The following OR8B8 variants were observed in gnomAD, a reference collection of about 807,000 sequenced individuals.
OR8B8 encodes the protein olfactory receptor 8B8.
A neutral mutation model predicts 10.5 loss-of-function variants in OR8B8; 8 were observed. The observed-to-expected ratio is 0.76, with a 90% confidence interval of 0.45 to 1.38. The LOEUF is 1.38. Among genes scored for constraint, OR8B8 ranks in the 40% most tolerant of loss-of-function variants. OR8B8 has a pLI of 0.00. For missense variants in OR8B8, 390 were observed against 380.5 expected, an observed-to-expected ratio of 1.03 and a Z score of -0.21; for synonymous variants, 150 against 145.2, an observed-to-expected ratio of 1.03 and a Z score of -0.24.
rs1861429903 is a variant in OR8B8, at chr11:124,438,656, A to G, written c.*1494T>C. On this transcript the variant is annotated 3_prime_UTR_variant, in exon 3 of 3. Transcript: ENST00000642064. ...ATCAGATGATCCACATAAATACAGT[A>G]ATTGAAAATACAATAAAGAAACTAT... 1 of 152,248 alleles carries G rather than the reference A, an allele frequency of 6.6e-6. No homozygotes were observed. The highest frequency in any genetic ancestry group is 6.5e-5 in the Admixed American group (1 of 15,292). 9.4% of individuals were successfully genotyped at this position (152,248 alleles called of 1,614,324 possible).
Position 124,437,626 on chromosome 11 carries a change from TTG to T in OR8B8, c.*2522_*2523del, listed in dbSNP as rs66912990. 12,854 of 143,832 alleles carry T rather than the reference TTG, an allele frequency of 0.089. 576 individuals carry two copies. Among genetic ancestry groups the T allele is most frequent in the Non-Finnish European group, 0.11 (7,324 of 66,448 alleles). The allele number at this position is 143,832 out of a possible 1,614,324, so 8.9% of individuals were successfully genotyped here. The stretch of plus-strand genomic sequence containing the variant: ...AGGTGGGGGAGGTCTCTCTCAGACT[TTG>T]TGTGTGTGTGTGTGTGTGTGTGTGT... On this transcript the variant is annotated 3_prime_UTR_variant, in exon 3 of 3. Coordinates refer to ENST00000642064, the MANE Select transcript of OR8B8 (RefSeq NM_012378.2).
In OR8B8 at chr11:124,441,070, A is replaced by T. The variant is rs757700504; in HGVS notation, c.16T>A (p.Ser6Thr). Residue 6 changes from serine to threonine, a missense_variant, in exon 3 of 3, where the codon TCC becomes ACC. Ser to Thr is a moderately conservative substitution (Grantham distance 58). Transcript: ENST00000642064. MAAEN[S>T]SFVTQFILAG... ...AGGATAAACTGTGTCACGAAGGAGGAATTCTCAGCAGCCATTGTCATTTAA... is the reference window on the plus strand; with the variant it reads ...AGGATAAACTGTGTCACGAAGGAGGTATTCTCAGCAGCCATTGTCATTTAA... 6.2e-7 allele frequency: 1 copy of T among 1,610,732 alleles called. No individual in the cohort carries two copies. The highest frequency in any genetic ancestry group is 8.5e-7 in the Non-Finnish European group (1 of 1,179,590).
Position 124,440,645 on chromosome 11 carries a change from A to G in OR8B8, c.441T>C (p.Gly147=), listed in dbSNP as rs759853213. Residue 147 remains glycine (G), a synonymous_variant, in exon 3 of 3, where the codon GGT becomes GGC. Transcript: ENST00000642064. The part of the protein sequence containing the change: ...SPQVCFLLLL[G]VYGMGFAGAM... ...CCCCAGCAAACCCCATCCCATAGACACCCAACAAAAGGAGAAAACACACCT... is the reference window on the plus strand; with the variant it reads ...CCCCAGCAAACCCCATCCCATAGACGCCCAACAAAAGGAGAAAACACACCT... 6.2e-7 allele frequency: 1 copy of G among 1,614,086 alleles called. No homozygotes were observed. Among genetic ancestry groups the G allele is most frequent in the East Asian group, 2.2e-5 (1 of 44,864 alleles).
chr11:124,443,866 A>G (rs191512498), intron 1 of OR8B8, among the ~76,000 whole-genome samples: 150 of 152,318 alleles, frequency 9.8e-4, no homozygotes, highest in African/African-American at 3.4e-3. Context: ...CTGCCACCAC[A>G]AAGTGGTACA....
rs10555793 is a variant in OR8B8, at chr11:124,441,128, TAG to T, written c.-16-29_-16-28del. On this transcript the variant is annotated intron_variant, in intron 2 of 2. Transcript: ENST00000642064. ...TGTGGGGACAAGGGAAAAAGTTATTTAGAGAGAGAGAGAGACCACTGCTGCCC... is the reference window on the plus strand; with the variant it reads ...TGTGGGGACAAGGGAAAAAGTTATTTAGAGAGAGAGAGACCACTGCTGCCC... 8,527 of 1,435,380 alleles carry T rather than the reference TAG, an allele frequency of 5.9e-3. 286 individuals are homozygous for T. In the African/African-American group the frequency reaches 0.086, roughly 14 times the overall value. The allele number at this position is 1,435,380 out of a possible 1,614,324, so 88.9% of individuals were successfully genotyped here.
rs560606972 is a variant in OR8B8, at chr11:124,441,474, C to T, written c.-17+14G>A. 4 of 187,730 alleles carry T rather than the reference C, an allele frequency of 2.1e-5. No individual in the cohort carries two copies. The highest frequency in any genetic ancestry group is 2.5e-4 in the South Asian group (2 of 7,902). 11.6% of individuals were successfully genotyped at this position (187,730 alleles called of 1,614,324 possible). ...GAGCAGAAGGGTAGAGTGGACTTCC[C>T]AGAGCTTTAGTACCTGAGACTGGGG... On this transcript the variant is annotated intron_variant, in intron 2 of 2. Coordinates refer to ENST00000642064, the MANE Select transcript of OR8B8 (RefSeq NM_012378.2).
intron 1 of OR8B8, among the ~76,000 whole-genome samples, chr11:124,442,816 G>T (rs7118658): frequency 0.24 from 36,478 of 152,104 alleles, 5,509 homozygotes; most frequent in East Asian, 0.53. Flanking sequence ...CTTGAGCTCA[G>T]TGACAGCTAG....
At chr11:124,442,663 G>T (rs938983131) in intron 1 of OR8B8, among the ~76,000 whole-genome samples, 3 of 107,940 alleles carry the variant, frequency 2.8e-5, no homozygotes, top group South Asian at 3.0e-4. Flanking sequence ...TTTCCTCATC[G>T]TGAGCCTGAA....
At chr11:124,441,128 T>TAG (rs10555793) in intron 2 of OR8B8, 27 bp from the exon 3 acceptor site, 58 of 1,444,260 alleles carry the variant, frequency 4.0e-5, no homozygotes, top group African/African-American at 7.1e-5. Context: ...AAAAGTTATT[T>TAG]AGAGAGAGAG....
In OR8B8 at chr11:124,440,389, C is replaced by T. The variant is rs1861454081; in HGVS notation, c.697G>A (p.Gly233Ser). Residue 233 changes from glycine to serine, a missense_variant, in exon 3 of 3, where the codon GGC becomes AGC. Coordinates refer to ENST00000642064, the MANE Select transcript of OR8B8 (RefSeq NM_012378.2). Reference sequence around the variant, plus strand: ...CAGGTGCTGAAGGCTTTGGACCTGCCCTCCGTGGAATCAATGTGGAAGATG... The same window carrying T: ...CAGGTGCTGAAGGCTTTGGACCTGCTCTCCGTGGAATCAATGTGGAAGATG... ...SSIFHIDSTE[G>S]RSKAFSTCSS... 2 of 1,614,042 alleles carry T rather than the reference C, an allele frequency of 1.2e-6. No homozygotes were observed. The highest frequency in any genetic ancestry group is 1.1e-5 in the South Asian group (1 of 91,066).
At position 124,440,528 on chromosome 11, in the gene OR8B8, C is replaced by T. The variant is rs759850129; in HGVS notation, c.558G>A (p.Glu186=). ...TCACATAGGTGCTGGTGCAAGCACA[C>T]TCAAGAAGGGGAAGGATGTCACACA... The part of the protein sequence containing the change: ...HYMCDILPLL[E]CACTSTYVNE... Residue 186 remains glutamate (E), a synonymous_variant, in exon 3 of 3, where the codon GAG becomes GAA. Transcript: ENST00000642064. 6.2e-7 allele frequency: 1 copy of T among 1,614,226 alleles called. No homozygotes were observed. Among genetic ancestry groups the T allele is most frequent in the Non-Finnish European group, 8.5e-7 (1 of 1,180,046 alleles).
chr11:124,441,370 G>A (rs1458752809), intron 2 of OR8B8, 118 bp downstream of exon 2: 3 of 412,826 alleles, frequency 7.3e-6, no homozygotes, highest in Non-Finnish European at 1.3e-5. Flanking sequence ...ACTGGGGCCA[G>A]TCTCCAGGAA....
rs1033947199 is a variant in OR8B8 at position 124,439,953 on chromosome 11, G to A, written c.*197C>T. On this transcript the variant is annotated 3_prime_UTR_variant, in exon 3 of 3. Coordinates refer to ENST00000642064, the MANE Select transcript of OR8B8 (RefSeq NM_012378.2). ...GCTTGAGTCTATCCTCAGAAATAGC[G>A]GGGAACTGAGTGAAATGATCCTCAA... is the stretch of plus-strand genomic sequence containing the variant. 7.1e-6 allele frequency: 4 copies of A among 566,634 alleles called. No homozygotes were observed. Among genetic ancestry groups the A allele is most frequent in the East Asian group, 2.9e-5 (1 of 34,920 alleles). The allele number at this position is 566,634 out of a possible 1,614,324, so 35.1% of individuals were successfully genotyped here. A position where few individuals can be genotyped will look rare whatever the true frequency, so the allele number is the denominator to read the frequency against.
chr11:124,442,017 A>G (rs1861480088), intron 1 of OR8B8, among the ~76,000 whole-genome samples: 1 of 152,122 alleles, frequency 6.6e-6, no homozygotes, highest in Admixed American at 6.6e-5. Flanking sequence ...TTGTGCAAAA[A>G]CAATAATTTA....
Position 124,440,454 on chromosome 11 carries a change from G to T in OR8B8, c.632C>A (p.Thr211Lys), listed in dbSNP as rs766761696. The change falls in exon 3 of 3, where the codon ACA (threonine) becomes AAA (lysine). Residue 211 changes from threonine (T) to lysine (K), a missense_variant. Physicochemically the swap from Thr to Lys is moderately conservative, Grantham distance 78. Coordinates refer to ENST00000642064, the MANE Select transcript of OR8B8 (RefSeq NM_012378.2). ...AGCATAGGAAATGAAGATGGTGACT[G>T]TGGGCACACCAATATCAATGCCCAC... ...VVVGIDIGVPTVTIFISYALI... is the reference protein window; with the variant it reads ...VVVGIDIGVPKVTIFISYALI... 9.9e-6 allele frequency: 16 copies of T among 1,614,210 alleles called. No homozygotes were observed. In the South Asian group the frequency reaches 1.6e-4, roughly 17 times the overall value.
Position 124,440,089 on chromosome 11 carries a change from C to T in OR8B8, c.*61G>A, listed in dbSNP as rs1861448041. ...AAAAATTATATTTCTTCCATGTAAC[C>T]AGTGGAGTCCAAATCACTTATGGGA... On this transcript the variant is annotated 3_prime_UTR_variant, in exon 3 of 3. Coordinates refer to ENST00000642064, the MANE Select transcript of OR8B8 (RefSeq NM_012378.2). 1.5e-6 allele frequency: 2 copies of T among 1,300,724 alleles called. No homozygotes were observed. The highest frequency in any genetic ancestry group is 2.2e-6 in the Non-Finnish European group (2 of 928,810). 80.6% of individuals were successfully genotyped at this position (1,300,724 alleles called of 1,614,324 possible). A position where few individuals can be genotyped will look rare whatever the true frequency, so the allele number is the denominator to read the frequency against.
In OR8B8 at chr11:124,439,296, G is replaced by C. The variant is rs1861439779; in HGVS notation, c.*854C>G. 1 of 152,330 alleles carries C rather than the reference G, an allele frequency of 6.6e-6. No individual in the cohort carries two copies. The highest frequency in any genetic ancestry group is 2.4e-5 in the African/African-American group (1 of 41,442). 9.4% of individuals were successfully genotyped at this position (152,330 alleles called of 1,614,324 possible). A position where few individuals can be genotyped will look rare whatever the true frequency, so the allele number is the denominator to read the frequency against. ...TGCCCAGGCTGGAGTGCAGTGGCAT[G>C]ATCTTGGCTCGCTGCAACCTCCACC... On this transcript the variant is annotated 3_prime_UTR_variant, in exon 3 of 3. Transcript: ENST00000642064.
In OR8B8 at chr11:124,440,524, C is replaced by T. The variant is rs1861457072; in HGVS notation, c.562G>A (p.Ala188Thr). The change falls in exon 3 of 3, where the codon GCT (alanine) becomes ACT (threonine). Residue 188 changes from alanine to threonine, a missense_variant. By Grantham distance (58) the Ala-to-Thr change is moderately conservative (BLOSUM62 0). Coordinates refer to ENST00000642064, the MANE Select transcript of OR8B8 (RefSeq NM_012378.2). Reference protein sequence around the residue: ...MCDILPLLECACTSTYVNELV... With the variant: ...MCDILPLLECTCTSTYVNELV... ...TCATTCACATAGGTGCTGGTGCAAG[C>T]ACACTCAAGAAGGGGAAGGATGTCA... The T allele has an allele frequency of 6.2e-7, 1 of 1,614,212 alleles. No individual in the cohort carries two copies.
chr11:124,444,880 G>A (rs1327255420), intron 1 of OR8B8, among the ~76,000 whole-genome samples: 1 of 152,186 alleles, frequency 6.6e-6, no homozygotes, highest in Non-Finnish European at 1.5e-5. Flanking sequence ...GGGCAGAGGA[G>A]ACAGCTGACA....
Sources: allele counts gnomAD v4.1 joint callset (sites outside exome capture counted in the v4.1 genomes callset), GRCh38; gene constraint gnomAD v4.1.1; transcripts MANE v1.5; gene names NCBI Gene and HGNC (gene_info 2026-07-23, HGNC 2026-07-21).